MMD2: variants seen among roughly 807,000 people sequenced by gnomAD.
The protein encoded by MMD2 is monocyte to macrophage differentiation associated 2, also known as monocyte to macrophage differentiation factor 2.
Under a neutral mutation model 33.5 loss-of-function variants are expected in MMD2, and 30 were observed. The ratio of observed to expected loss-of-function variants is 0.90; its 90% CI spans 0.67 to 1.22. The LOEUF is 1.22. Ranked by LOEUF, MMD2 falls within the 50% of genes most tolerant of loss-of-function variation. The pLI is 0.00. For missense variants in MMD2, 364 were observed against 325.4 expected (o/e 1.12, Z -0.91); for synonymous variants, 129 against 123.0 (o/e 1.05, Z -0.32).
intron 2 of MMD2, among the ~76,000 whole-genome samples, chr7:4,923,903 C>A (rs1785350813): frequency 1.3e-5 from 2 of 151,748 alleles, no homozygotes; most frequent in Non-Finnish European, 2.9e-5. Flanking sequence ...TAATCCCAGC[C>A]CTATGGGAGG....
At chr7:4,921,142 A>T (rs1785273217) in intron 2 of MMD2, among the ~76,000 whole-genome samples, 1 of 152,124 alleles carries the variant, frequency 6.6e-6, no homozygotes, top group Non-Finnish European at 1.5e-5. Context: ...CGTCCCAGAG[A>T]GTGGCCATCC....
the MMD2 span, among the ~76,000 whole-genome samples, chr7:4,893,013 T>G: frequency 6.6e-6 from 1 of 152,096 alleles, no homozygotes; most frequent in African/African-American, 2.4e-5. Flanking sequence ...CGCACCCAGC[T>G]GACTAATTGC....
At chr7:4,941,535 C>T (rs915024415) in intron 1 of MMD2, among the ~76,000 whole-genome samples, 11 of 150,562 alleles carry the variant, frequency 7.3e-5, no homozygotes, top group African/African-American at 2.7e-4. Context: ...GAGGCTGAGG[C>T]AAGAGAATCG....
intron 1 of MMD2, among the ~76,000 whole-genome samples, chr7:4,937,020 G>A (rs1255765582): frequency 1.3e-5 from 2 of 151,520 alleles, no homozygotes; most frequent in African/African-American, 2.4e-5. Flanking sequence ...ACAGGCGTGA[G>A]CCACCATGCC....
chr7:4,928,501 G>A (rs1447532466), intron 1 of MMD2, among the ~76,000 whole-genome samples: 1 of 150,596 alleles, frequency 6.6e-6, no homozygotes, highest in Admixed American at 6.6e-5. Context: ...AGCCTTCATT[G>A]AGCACCTTCC....
At chr7:4,919,444 C>T (rs1383932475) in intron 3 of MMD2, among the ~76,000 whole-genome samples, 2 of 151,186 alleles carry the variant, frequency 1.3e-5, no homozygotes, top group East Asian at 4.0e-4. Context: ...ATGGCACACA[C>T]CTGTGGTCTC....
At chr7:4,893,973 T>A in the MMD2 span, among the ~76,000 whole-genome samples, 1 of 152,128 alleles carries the variant, frequency 6.6e-6, no homozygotes, top group African/African-American at 2.4e-5. Context: ...CCACACCCTG[T>A]TTTATCAGCA....
intron 1 of MMD2, among the ~76,000 whole-genome samples, chr7:4,957,489 A>T (rs1388541098): frequency 6.6e-6 from 1 of 151,654 alleles, no homozygotes; most frequent in Non-Finnish European, 1.5e-5. Context: ...CTCTACTAAA[A>T]ATACAAAAAA....
At chr7:4,920,118 T>A (rs1406609978) in intron 3 of MMD2, 53 bp downstream of exon 3, 1 of 1,529,720 alleles carries the variant, frequency 6.5e-7, no homozygotes, top group African/African-American at 1.4e-5. Context: ...CTGCCATGGG[T>A]CCCCCTGCCC....
intron 1 of MMD2, among the ~76,000 whole-genome samples, chr7:4,931,993 G>A (rs1222654703): frequency 6.6e-6 from 1 of 152,132 alleles, no homozygotes; most frequent in Non-Finnish European, 1.5e-5. Context: ...TGGTCTCCAA[G>A]GTGGGAAACC....
rs6947590 is a variant in MMD2, at chr7:4,907,616, G to C, written c.538-17C>G. Reference sequence around the variant, plus strand: ...GGTGTTGGGCTGTCGGCAAGGACAAGGGTGGGGCACAGGTCAGAGGGGCAG... The same window carrying C: ...GGTGTTGGGCTGTCGGCAAGGACAACGGTGGGGCACAGGTCAGAGGGGCAG... On this transcript the variant is annotated splice_polypyrimidine_tract_variant and intron_variant, in intron 6 of 6. Coordinates refer to ENST00000401401, the MANE Select transcript of MMD2 (RefSeq NM_198403.4). 4 of 1,611,756 alleles carry C rather than the reference G, an allele frequency of 2.5e-6. No individual in the cohort carries two copies. The highest frequency in any genetic ancestry group is 2.5e-6 in the Non-Finnish European group (3 of 1,179,556).
intron 1 of MMD2, among the ~76,000 whole-genome samples, chr7:4,931,053 G>A (rs924360881): frequency 6.6e-6 from 1 of 152,166 alleles, no homozygotes; most frequent in Non-Finnish European, 1.5e-5. Context: ...GTTTCACCAT[G>A]TTGGCCAGGC....
chr7:4,938,273 T>G (rs1188458048), intron 1 of MMD2, among the ~76,000 whole-genome samples: 2 of 151,972 alleles, frequency 1.3e-5, no homozygotes, highest in Non-Finnish European at 2.9e-5. Flanking sequence ...CCTCCCAAAG[T>G]GCTGGGATTA....
chr7:4,928,324 T>G (rs1230715494), intron 1 of MMD2, among the ~76,000 whole-genome samples: 3 of 152,052 alleles, frequency 2.0e-5, no homozygotes, highest in Admixed American at 2.0e-4. Flanking sequence ...ATATCAGGAG[T>G]GCATGGAGCA....
chr7:4,901,953 C>A (rs376448210), downstream of MMD2, among the ~76,000 whole-genome samples: 1 of 152,086 alleles, frequency 6.6e-6, no homozygotes, highest in African/African-American at 2.4e-5. Context: ...AACAATTATT[C>A]TCTTTTTTCT....
At position 4,914,264 on chromosome 7, in the gene MMD2, G is replaced by A. The variant is rs139656759; in HGVS notation, c.365+1741C>T. Among the ~76,000 whole-genome samples the A allele has an allele frequency of 5.3e-5, 8 of 152,220 alleles. No homozygotes were observed. In the East Asian group the frequency reaches 1.4e-3, roughly 26 times the overall value. ...ACCCCATTTGATAGTTTATTCTGAA[G>A]TTTATCTCTGGGAAATTATTAGAAG... On this transcript the variant is annotated intron_variant, in intron 4 of 6. Coordinates refer to ENST00000401401, the MANE Select transcript of MMD2 (RefSeq NM_198403.4).
At chr7:4,897,588 C>T in the MMD2 span, among the ~76,000 whole-genome samples, 1 of 152,194 alleles carries the variant, frequency 6.6e-6, no homozygotes, top group African/African-American at 2.4e-5. Flanking sequence ...TGGGAAAGCT[C>T]CTAGCGGAAC....
At chr7:4,937,974 T>TC (rs1427166424) in intron 1 of MMD2, among the ~76,000 whole-genome samples, 1 of 149,508 alleles carries the variant, frequency 6.7e-6, no homozygotes, top group Non-Finnish European at 1.5e-5. Context: ...AATTTCTTTT[T>TC]CTTTTTTTTT....
intron 4 of MMD2, among the ~76,000 whole-genome samples, chr7:4,914,423 TTC>T (rs1785091171): frequency 6.6e-6 from 1 of 152,240 alleles, no homozygotes; most frequent in Non-Finnish European, 1.5e-5. Context: ...TTCCATCAGC[TTC>T]TCTCTGATTG....
Sources: gnomAD v4.1 joint callset for allele counts (sites outside exome capture counted in the v4.1 genomes callset) on GRCh38, gnomAD v4.1.1 for gene constraint, MANE v1.5 for transcripts, NCBI Gene and HGNC (gene_info 2026-07-23, HGNC 2026-07-21) for gene names.